ODC1: variants seen among roughly 807,000 people sequenced by gnomAD.
ODC1 encodes ornithine decarboxylase 1, also known as ornithine decarboxylase.
ODC1 carries 18 observed loss-of-function variants against 41.5 expected under a neutral mutation model. The ratio of observed to expected loss-of-function variants is 0.43; its 90% confidence interval spans 0.30 to 0.64. The LOEUF is 0.64. Among genes scored for constraint, ODC1 ranks in the 30% least tolerant of loss-of-function variants. The probability of loss-of-function intolerance (pLI) is 0.11; values close to 1 mark genes in which losing one functional copy is unlikely to be tolerated. For synonymous variants in ODC1, 218 were observed against 211.6 expected (o/e 1.03, Z -0.26); for missense variants, 504 against 589.0 (o/e 0.86, Z 1.49).
chr2:10,444,339 A>C, intron 4 of ODC1, 72 bp from the exon 5 acceptor site: 1 of 1,515,460 alleles, frequency 6.6e-7, no homozygotes. Flanking sequence ...AAGCATGGGA[A>C]GTTGTCATGT....
chr2:10,443,949 G>A (rs1488465826), intron 5 of ODC1, 113 bp from the exon 6 acceptor site: 25 of 1,502,544 alleles, frequency 1.7e-5, no homozygotes, highest in Non-Finnish European at 2.2e-5. Context: ...TCTGTAGTTT[G>A]AGTCCCAGGC....
intron 1 of ODC1, among the ~76,000 whole-genome samples, chr2:10,445,648 T>C (rs1671988042): frequency 6.6e-6 from 1 of 152,254 alleles, no homozygotes; most frequent in Non-Finnish European, 1.5e-5. Context: ...CTTTTTTATT[T>C]TTTTTGAGAC....
At position 10,441,923 on chromosome 2, in the gene ODC1, T is replaced by C. The variant is rs771355294; in HGVS notation, c.920A>G (p.Asp307Gly). 11 of 1,613,942 alleles carry C rather than the reference T, an allele frequency of 6.8e-6. No individual in the cohort carries two copies. In the Admixed American group the frequency reaches 1.8e-4, roughly 27 times the overall value. Residue 307 changes from aspartate to glycine, a missense_variant, in exon 10 of 12, where the codon GAT becomes GGT. Transcript: ENST00000234111. ...LKEQTGSDDE[D>G]ESSEQTFMYY... ...CATAAAGGTCTGCTCACTCGACTCA[T>C]CTTCGTCTAGAAAGGCAGATCAACA...
chr2:10,441,732 A>AG lies in ODC1; in HGVS notation c.1027-10dup, dbSNP rs1480018997. ...TCATCTGGTTTAGGTCTCTATATAAAGAGACGGAGAGAGGAAGTACTACTT... is the reference window on the plus strand; with the variant it reads ...TCATCTGGTTTAGGTCTCTATATAAAGGAGACGGAGAGAGGAAGTACTACTT... On this transcript the variant is annotated splice_polypyrimidine_tract_variant and intron_variant, in intron 10 of 11. Coordinates refer to ENST00000234111, the MANE Select transcript of ODC1 (RefSeq NM_002539.3). The AG allele has an allele frequency of 2.5e-6, 4 of 1,613,662 alleles. No homozygotes were observed. The African/African-American group carries it at 5.3e-5, about 22-fold the overall frequency.
chr2:10,443,485 C>T lies in ODC1; in HGVS notation c.666+5G>A. 1 of 1,613,476 alleles carries T rather than the reference C, an allele frequency of 6.2e-7. No individual in the cohort carries two copies. Among genetic ancestry groups the T allele is most frequent in the Non-Finnish European group, 8.5e-7 (1 of 1,179,436 alleles). ...CCCTTCCCTAACAGGGTCACGTATA[C>T]TCACCCCCATGTCAAAAACACAGCG... On this transcript the variant is annotated splice_donor_5th_base_variant and intron_variant, in intron 7 of 11. Transcript: ENST00000234111.
rs1188434807 is a variant in ODC1, at chr2:10,441,999, C to T, written c.913+13G>A. On this transcript the variant is annotated intron_variant, in intron 9 of 11. Coordinates refer to ENST00000234111, the MANE Select transcript of ODC1 (RefSeq NM_002539.3). ...TTCAGTTATACATGAAGTGATTCGT[C>T]CTTTATACATACCATCAGAGCCCGT... 2 of 1,613,322 alleles carry T rather than the reference C, an allele frequency of 1.2e-6. No individual in the cohort carries two copies. The highest frequency in any genetic ancestry group is 1.1e-5 in the South Asian group (1 of 91,036).
rs1327990564 is a variant in ODC1 at position 10,448,296 on chromosome 2, C to G, written c.-303G>C. ...GAGCTGCTGGCAGAGGGGCGGCGGG[C>G]GGCGGCGGCGGCGGCTACAGGAGGG... On this transcript the variant is annotated 5_prime_UTR_variant, in exon 1 of 12. Transcript: ENST00000234111. 1 of 232,620 alleles carries G rather than the reference C, an allele frequency of 4.3e-6. No individual in the cohort carries two copies. The highest frequency in any genetic ancestry group is 8.1e-5 in the East Asian group (1 of 12,418). The allele number at this position is 232,620 out of a possible 1,614,324, so 14.4% of individuals were successfully genotyped here. A position where few individuals can be genotyped will look rare whatever the true frequency, so the allele number is the denominator to read the frequency against.
Position 10,441,531 on chromosome 2 carries a change from A to G in ODC1, c.1219T>C (p.Tyr407His), listed in dbSNP as rs765409580. ...FNGFQRPTIY[Y>H]VMSGPAWQLM... The stretch of plus-strand genomic sequence containing the variant: ...TACCACGCAGGCCCTGACATCACAT[A>G]GTAGATCGTCGGCCTCTGGAAGCCA... Residue 407 changes from tyrosine to histidine, a missense_variant, in exon 11 of 12, where the codon TAT becomes CAT. Tyr to His is a moderately conservative substitution (Grantham distance 83). Transcript: ENST00000234111. 39 of 1,614,014 alleles carry G rather than the reference A, an allele frequency of 2.4e-5. No homozygotes were observed. The highest frequency in any genetic ancestry group is 4.2e-6 in the Non-Finnish European group (5 of 1,180,016).
At chr2:10,440,960 ATTTT>A (rs111950270) in intron 11 of ODC1, 92 bp from the exon 12 acceptor site, 2 of 1,144,060 alleles carry the variant, frequency 1.7e-6, no homozygotes, top group African/African-American at 1.6e-5. Context: ...AATTCAATGT[ATTTT>A]TTTTTTTTCT....
At position 10,443,754 on chromosome 2, in the gene ODC1, T is replaced by G. The variant is rs759491969; in HGVS notation, c.532A>C (p.Arg178=). 6.2e-7 allele frequency: 1 copy of G among 1,614,220 alleles called. No homozygotes were observed. Among genetic ancestry groups the G allele is most frequent in the Admixed American group, 1.7e-5 (1 of 60,016 alleles). Residue 178 remains arginine, a synonymous_variant, in exon 6 of 12, where the codon AGG becomes CGG. Coordinates refer to ENST00000234111, the MANE Select transcript of ODC1 (RefSeq NM_002539.3). ...VKFGATLRTS[R]LLLERAKELN... is the part of the protein sequence containing the mutation. ...TCTTTCGCCCGTTCCAAAAGGAGCC[T>G]GCTGGTTCTGAGCGTGGCACCGAAT...
intron 1 of ODC1, chr2:10,447,779 G>C (rs1163467870): frequency 6.6e-6 from 1 of 152,304 alleles, no homozygotes; most frequent in African/African-American, 2.4e-5. Context: ...GCGGCCGCCA[G>C]GGCCTCCCCA....
At chr2:10,446,799 G>A in intron 1 of ODC1, 1 of 400,248 alleles carries the variant, frequency 2.5e-6, no homozygotes. Context: ...CTGGCATGGG[G>A]TACTATGACA....
At chr2:10,443,404 A>G (rs1253183770) in intron 7 of ODC1, 86 bp downstream of exon 7, 2 of 1,551,416 alleles carry the variant, frequency 1.3e-6, no homozygotes, top group African/African-American at 2.7e-5. Flanking sequence ...TACAGAACCA[A>G]CTGCCATAAA....
chr2:10,442,438 G>A (rs1048900643), intron 8 of ODC1, among the ~76,000 whole-genome samples: 10 of 152,060 alleles, frequency 6.6e-5, no homozygotes, highest in South Asian at 2.1e-4. Flanking sequence ...AGAACAGTAC[G>A]CAACTAACTA....
chr2:10,441,338 T>TTAAGTTCATG (rs1244314131), intron 11 of ODC1, among the ~76,000 whole-genome samples, 171 bp downstream of exon 11: 13 of 152,300 alleles, frequency 8.5e-5, no homozygotes, highest in African/African-American at 2.9e-4. Context: ...TTAAATATAT[T>TTAAGTTCATG]CCAATTACAT....
In ODC1 at chr2:10,442,075, A is replaced by C. The variant is rs1365485623; in HGVS notation, c.850T>G (p.Phe284Val). 6.2e-7 allele frequency: 1 copy of C among 1,614,026 alleles called. No individual in the cohort carries two copies. The highest frequency in any genetic ancestry group is 2.2e-5 in the East Asian group (1 of 44,900). The stretch of plus-strand genomic sequence containing the variant: ...GCAATGATATTAACTGCAAGCGTGA[A>C]AGCTGATGCAACATAGTATCTGCCG... ...EPGRYYVASA[F>V]TLAVNIIAKK... The change falls in exon 9 of 12, where the codon TTC becomes GTC. Residue 284 changes from phenylalanine to valine, a missense_variant. Around this residue, in one of 3 missense-constraint regions of ODC1, gnomAD observed 447 missense variants for 524.4 expected, o/e 0.85. Transcript: ENST00000234111.
Position 10,440,724 on chromosome 2 carries a change from C to G in ODC1, c.1386G>C (p.Ter462TyrextTer5). Residue 462 changes from the stop codon to tyrosine, a stop_lost, in exon 12 of 12, where the codon TAG becomes TAC. Coordinates refer to ENST00000234111, the MANE Select transcript of ODC1 (RefSeq NM_002539.3). ...AACASASINV[*>Y] ...CAGTTAACAGCTACCAGAGTGCTAT[C>G]TACACATTAATACTAGCCGAAGCAC... The G allele has an allele frequency of 6.2e-7, 1 of 1,613,650 alleles. No homozygotes were observed. Among genetic ancestry groups the G allele is most frequent in the Non-Finnish European group, 8.5e-7 (1 of 1,179,782 alleles).
Position 10,443,825 on chromosome 2 carries a change from C to T in ODC1, c.461G>A (p.Arg154Gln), listed in dbSNP as rs772034229. 11 of 1,613,844 alleles carry T rather than the reference C, an allele frequency of 6.8e-6. No homozygotes were observed. The highest frequency in any genetic ancestry group is 2.2e-5 in the East Asian group (1 of 44,870). The change falls in exon 6 of 12, where the codon CGG (arginine) becomes CAG (glutamine). Residue 154 changes from arginine (R) to glutamine (Q), a missense_variant. Around this residue, in one of 3 missense-constraint regions of ODC1, gnomAD observed 447 missense variants for 524.4 expected, o/e 0.85. Coordinates refer to ENST00000234111, the MANE Select transcript of ODC1 (RefSeq NM_002539.3). ...RAHPKAKLVL[R>Q]IATDDSKAVC... ...TGCTTTGGAATCATCAGTGGCAATC[C>T]GCAAAACCAACCTACAAGCAAGGAA...
chr2:10,444,328 A>C (rs1260381804), intron 4 of ODC1, 61 bp from the exon 5 acceptor site: 1 of 1,523,984 alleles, frequency 6.6e-7, no homozygotes, highest in Non-Finnish European at 8.8e-7. Flanking sequence ...AATAAACAGA[A>C]AAGCATGGGA....
Sources: allele counts gnomAD v4.1 joint callset (sites outside exome capture counted in the v4.1 genomes callset), GRCh38; gene constraint gnomAD v4.1.1; regional missense constraint gnomAD v4.1.1; transcripts MANE v1.5; gene names NCBI Gene and HGNC (gene_info 2026-07-23, HGNC 2026-07-21).